Variants in FUT9 observed in about 807,000 individuals in gnomAD.
FUT9 encodes 4-galactosyl-N-acetylglucosaminide 3-alpha-L-fucosyltransferase 9.
A neutral mutation model predicts 29.7 loss-of-function variants in FUT9; 15 were observed. The ratio of observed to expected loss-of-function variants is 0.51; its 90% CI spans 0.34 to 0.78. The LOEUF (loss-of-function observed/expected upper bound fraction) is 0.78. FUT9 is among the 30% of genes least tolerant of loss of function. FUT9 has a pLI of 0.01. For missense variants in FUT9, 319 were observed against 425.4 expected, an observed-to-expected ratio of 0.75 and a Z score of 2.20; for synonymous variants, 169 against 153.7, an observed-to-expected ratio of 1.10 and a Z score of -0.74.
At chr6:96,122,525 A>T (rs1261215720) in intron 2 of FUT9, among the ~76,000 whole-genome samples, 1 of 152,170 alleles carries the variant, frequency 6.6e-6, no homozygotes, top group Non-Finnish European at 1.5e-5. Flanking sequence ...TGTACACATA[A>T]TTTTACATGG....
At chr6:96,193,255 A>G (rs1286278137) in intron 2 of FUT9, among the ~76,000 whole-genome samples, 1 of 136,454 alleles carries the variant, frequency 7.3e-6, no homozygotes, top group African/African-American at 2.6e-5. Context: ...CTACCATCAG[A>G]GTGAACAGGC....
At chr6:96,150,995 A>G (rs746918265) in intron 2 of FUT9, among the ~76,000 whole-genome samples, 3 of 152,214 alleles carry the variant, frequency 2.0e-5, no homozygotes, top group African/African-American at 7.2e-5. Context: ...TATCTTTATC[A>G]ACGTGGCTAC....
intron 1 of FUT9, among the ~76,000 whole-genome samples, chr6:96,066,735 T>C (rs2127946070): frequency 6.6e-6 from 1 of 152,226 alleles, no homozygotes; most frequent in African/African-American, 2.4e-5. Flanking sequence ...CATACAAATA[T>C]ATGTACTTTA....
At chr6:96,170,020 G>T (rs1773082728) in intron 2 of FUT9, among the ~76,000 whole-genome samples, 1 of 152,078 alleles carries the variant, frequency 6.6e-6, no homozygotes, top group African/African-American at 2.4e-5. Flanking sequence ...GGACTCATTT[G>T]CAGTTCTAAC....
chr6:96,099,340 T>A, intron 1 of FUT9, among the ~76,000 whole-genome samples: 1 of 152,174 alleles, frequency 6.6e-6, no homozygotes, highest in South Asian at 2.1e-4. Flanking sequence ...TTATCCTTCT[T>A]AAGCTAAAAC....
intron 2 of FUT9, among the ~76,000 whole-genome samples, chr6:96,115,205 G>A (rs1771887641): frequency 6.6e-6 from 1 of 152,006 alleles, no homozygotes; most frequent in African/African-American, 2.4e-5. Flanking sequence ...TTTTCTCATG[G>A]CCACATTTTT....
Position 96,056,719 on chromosome 6 carries a change from G to A in FUT9, c.-98+40507G>A, listed in dbSNP as rs572542416. On this transcript the variant is annotated intron_variant, in intron 1 of 2. Transcript: ENST00000302103. The stretch of plus-strand genomic sequence containing the variant: ...GCTATGATCGCACCACATCCAGCCC[G>A]GATGACAAAGCGAGACTCCATCTTT... 4.0e-5 allele frequency among the ~76,000 whole-genome samples: 6 copies of A among 151,598 alleles called. No individual in the cohort carries two copies. In the East Asian group the frequency reaches 7.7e-4, roughly 20 times the overall value.
At chr6:96,118,542 C>A (rs568120355) in intron 2 of FUT9, among the ~76,000 whole-genome samples, 29 of 152,292 alleles carry the variant, frequency 1.9e-4, no homozygotes, top group Non-Finnish European at 3.4e-4. Context: ...AAGTGTAGTA[C>A]ATACTGTACA....
chr6:96,114,720 T>C (rs1335407332), intron 2 of FUT9, among the ~76,000 whole-genome samples: 2 of 152,070 alleles, frequency 1.3e-5, no homozygotes, highest in African/African-American at 4.8e-5. Flanking sequence ...TTCACATGAT[T>C]AAAAAATAAG....
chr6:96,098,148 G>T (rs1171624773), intron 1 of FUT9, among the ~76,000 whole-genome samples: 5 of 152,014 alleles, frequency 3.3e-5, no homozygotes, highest in African/African-American at 1.2e-4. Context: ...TAAATGGATG[G>T]AATGAATAGT....
intron 1 of FUT9, among the ~76,000 whole-genome samples, chr6:96,055,203 A>C (rs989394327): frequency 3.0e-4 from 46 of 152,260 alleles, no homozygotes; most frequent in African/African-American, 9.9e-4. Context: ...TTATTTAATA[A>C]TGAAAACATT....
chr6:96,054,174 G>A (rs893239102), intron 1 of FUT9, among the ~76,000 whole-genome samples: 1 of 152,170 alleles, frequency 6.6e-6, no homozygotes, highest in Non-Finnish European at 1.5e-5. Flanking sequence ...AAGTCAAGAT[G>A]AGGGGACAGA....
intron 2 of FUT9, among the ~76,000 whole-genome samples, chr6:96,119,033 A>G (rs1014146780): frequency 6.6e-6 from 1 of 152,216 alleles, no homozygotes; most frequent in Admixed American, 6.5e-5. Context: ...TAAGTCTATA[A>G]AGTAAAAAAG....
intron 2 of FUT9, among the ~76,000 whole-genome samples, chr6:96,179,285 C>T (rs4464809): frequency 0.91 from 138,754 of 152,164 alleles, 64,625 homozygotes; most frequent in Non-Finnish European, 1. Flanking sequence ...TTATGTCTCC[C>T]GTGTACCAGA....
At chr6:96,160,835 C>T (rs948097309) in intron 2 of FUT9, among the ~76,000 whole-genome samples, 6 of 152,012 alleles carry the variant, frequency 3.9e-5, no homozygotes, top group African/African-American at 1.4e-4. Flanking sequence ...TCTACTATTT[C>T]TTATTATGTA....
At chr6:96,163,732 A>C (rs1208286630) in intron 2 of FUT9, among the ~76,000 whole-genome samples, 1 of 152,132 alleles carries the variant, frequency 6.6e-6, no homozygotes, top group African/African-American at 2.4e-5. Context: ...AATTTGGCTG[A>C]AGTTTCTCTT....
chr6:96,211,857 A>G lies in FUT9; in HGVS notation c.*7622A>G. 2.6e-6 allele frequency: 1 copy of G among 379,930 alleles called. No individual in the cohort carries two copies. Among genetic ancestry groups the G allele is most frequent in the Non-Finnish European group, 4.9e-6 (1 of 205,650 alleles). 23.5% of individuals were successfully genotyped at this position (379,930 alleles called of 1,614,324 possible). A position where few individuals can be genotyped will look rare whatever the true frequency, so the allele number is the denominator to read the frequency against. ...AAATGTCTGTTATGTCAGTAACATT[A>G]GAAAACTTCAAAAACTGATTTATTT... On this transcript the variant is annotated 3_prime_UTR_variant, in exon 3 of 3. Transcript: ENST00000302103.
In FUT9 at chr6:96,089,892, G is replaced by A. The variant is rs536974113; in HGVS notation, c.-97-24147G>A. Among the ~76,000 whole-genome samples the A allele has an allele frequency of 1.8e-3, 272 of 152,180 alleles. 1 individual carries two copies. The highest frequency in any genetic ancestry group is 3.4e-3 in the Middle Eastern group (1 of 294). The stretch of plus-strand genomic sequence containing the variant: ...AGAAATAATTTTTATGTATAATGAC[G>A]AATATTTGGTAATCACAGAAAGAAC... On this transcript the variant is annotated intron_variant, in intron 1 of 2. Coordinates refer to ENST00000302103, the MANE Select transcript of FUT9 (RefSeq NM_006581.4).
chr6:96,109,895 C>T (rs902820024), intron 1 of FUT9, among the ~76,000 whole-genome samples: 1 of 152,144 alleles, frequency 6.6e-6, no homozygotes, highest in Non-Finnish European at 1.5e-5. Context: ...TACCCTTCCC[C>T]TCACACCCAG....
Sources: allele counts gnomAD v4.1 joint callset (sites outside exome capture counted in the v4.1 genomes callset), GRCh38; gene constraint gnomAD v4.1.1; transcripts MANE v1.5; gene names NCBI Gene and HGNC (gene_info 2026-07-23, HGNC 2026-07-21).